Variants in CS observed in about 807,000 individuals in gnomAD.
CS encodes citrate synthase.
In CS, 13 loss-of-function variants were observed where a neutral mutation model predicts 61.4. The observed-to-expected ratio is 0.21, with a 90% CI of 0.14 to 0.34. CS has a LOEUF of 0.34. CS is among the 10% of genes least tolerant of loss of function. The pLI is 1.00. For synonymous variants in CS, 159 were observed against 215.2 expected (o/e 0.74, Z 2.29); for missense variants, 278 against 573.4 (o/e 0.48, Z 5.26).
intron 2 of CS, chr12:56,286,273 T>C (rs1324401417): frequency 2.5e-5 from 14 of 558,468 alleles, no homozygotes; most frequent in Non-Finnish European, 4.1e-5. Flanking sequence ...TGCACAATAA[T>C]GTAAACATAT....
At chr12:56,274,680 T>C (rs1872587767) in intron 9 of CS, 97 bp downstream of exon 9, 2 of 968,096 alleles carry the variant, frequency 2.1e-6, no homozygotes, top group East Asian at 5.3e-5. Flanking sequence ...AAAAAAAATC[T>C]CTAATTTAGG....
At chr12:56,273,939 T>C (rs1193669154) in intron 9 of CS, 143 bp from the exon 10 acceptor site, 30 of 675,268 alleles carry the variant, frequency 4.4e-5, no homozygotes, top group Non-Finnish European at 7.3e-5. Context: ...GCTCAGGCAA[T>C]TCTCCCACTT....
chr12:56,285,783 G>A, intron 3 of CS, 133 bp downstream of exon 3: 2 of 747,206 alleles, frequency 2.7e-6, no homozygotes, highest in Admixed American at 2.1e-5. Flanking sequence ...GAAGGATGGG[G>A]AAAAGTCATC....
intron 6 of CS, among the ~76,000 whole-genome samples, chr12:56,278,215 C>T (rs1464536798): frequency 1.3e-5 from 2 of 152,182 alleles, no homozygotes; most frequent in African/African-American, 4.8e-5. Context: ...ACTGCAACCT[C>T]CGCCTCCGGG....
chr12:56,276,342 G>C, intron 6 of CS, 147 bp from the exon 7 acceptor site: 1 of 677,890 alleles, frequency 1.5e-6, no homozygotes, highest in Non-Finnish European at 2.5e-6. Flanking sequence ...GAGTATGTTT[G>C]AAAGTAGAGA....
rs529056420 is a variant in CS at position 56,282,621 on chromosome 12, A to C, written c.400-13T>G. 2 of 1,599,764 alleles carry C rather than the reference A, an allele frequency of 1.3e-6. No homozygotes were observed. Among genetic ancestry groups the C allele is most frequent in the South Asian group, 2.2e-5 (2 of 89,070 alleles). The stretch of plus-strand genomic sequence containing the variant: ...AGAGCCAAGATACCTGTGGAAAAAG[A>C]GACAGTGCTCAGAACACCAGCAAGG... On this transcript the variant is annotated splice_polypyrimidine_tract_variant and intron_variant, in intron 5 of 10. Coordinates refer to ENST00000351328, the MANE Select transcript of CS (RefSeq NM_004077.3).
intron 6 of CS, among the ~76,000 whole-genome samples, chr12:56,281,141 T>C (rs976414456): frequency 1.8e-4 from 28 of 152,238 alleles, no homozygotes; most frequent in African/African-American, 6.5e-4. Flanking sequence ...AATCATTTAA[T>C]GTACCTGCTT....
In CS at chr12:56,296,411, G is replaced by A. The variant is rs772875164; in HGVS notation, c.42+3749C>T. ...GCTGTAGTAATAGCAAGCCATGTTC[G>A]CACCACTGCACTCCAGCCCCACCCC... On this transcript the variant is annotated intron_variant, in intron 1 of 10. Transcript: ENST00000351328. Among the ~76,000 whole-genome samples, 7 of 152,040 alleles carry A rather than the reference G, an allele frequency of 4.6e-5. No homozygotes were observed. The East Asian group carries it at 5.8e-4, about 13-fold the overall frequency.
chr12:56,292,179 C>G (rs555090002), intron 1 of CS, among the ~76,000 whole-genome samples: 1 of 150,654 alleles, frequency 6.6e-6, no homozygotes, highest in Non-Finnish European at 1.5e-5. Flanking sequence ...AGGCAGATCA[C>G]GGGGTCAGGA....
chr12:56,299,387 C>A (rs544503340), intron 1 of CS, among the ~76,000 whole-genome samples: 141 of 152,292 alleles, frequency 9.3e-4, no homozygotes, highest in Admixed American at 1.5e-3. Context: ...TTAAGATCAA[C>A]GGCATAACCT....
chr12:56,287,208 C>T (rs1005192536), intron 1 of CS, among the ~76,000 whole-genome samples: 3 of 152,104 alleles, frequency 2.0e-5, no homozygotes, highest in African/African-American at 4.8e-5. Context: ...TGGCTGGGCG[C>T]GGTGGCTCAT....
intron 1 of CS, among the ~76,000 whole-genome samples, chr12:56,289,371 A>G (rs948481468): frequency 2.4e-4 from 37 of 152,200 alleles, no homozygotes; most frequent in African/African-American, 8.9e-4. Context: ...CCCAGAGACT[A>G]CATCAGCCCA....
intron 1 of CS, chr12:56,291,117 A>T (rs1873110766): frequency 1.9e-6 from 1 of 530,816 alleles, no homozygotes; most frequent in African/African-American, 2.1e-5. Flanking sequence ...AGTTAAGTAA[A>T]CTAAATAAAA....
At chr12:56,299,991 G>A (rs1425604530) in intron 1 of CS, 169 bp downstream of exon 1, 6 of 599,776 alleles carry the variant, frequency 1.0e-5, no homozygotes, top group Non-Finnish European at 1.7e-5. Context: ...GAAGGGAAGC[G>A]CGGCACATGG....
chr12:56,276,127 A>G lies in CS; in HGVS notation c.657T>C (p.Asn219=). Reference sequence around the variant, plus strand: ...CAATACCGCTGCCTTCTCTGTAGAGATTTCGGTAGATCTTTGCTGCAACAC... The same window carrying G: ...CAATACCGCTGCCTTCTCTGTAGAGGTTTCGGTAGATCTTTGCTGCAACAC... The part of the protein sequence containing the change: ...LPCVAAKIYR[N]LYREGSGIGA... Residue 219 remains asparagine (N), a synonymous_variant, in exon 7 of 11, where the codon AAT becomes AAC. Transcript: ENST00000351328. 1.2e-6 allele frequency: 2 copies of G among 1,614,086 alleles called. No homozygotes were observed. The highest frequency in any genetic ancestry group is 1.7e-6 in the Non-Finnish European group (2 of 1,180,026).
chr12:56,291,182 A>G (rs1259816799), intron 1 of CS: 1 of 1,062,840 alleles, frequency 9.4e-7, no homozygotes, highest in African/African-American at 1.7e-5. Flanking sequence ...AATTCAGTAA[A>G]TATTTGTTTC....
Position 56,272,214 on chromosome 12 carries a change from T to G in CS, c.*870A>C. 1 of 222,974 alleles carries G rather than the reference T, an allele frequency of 4.5e-6. No individual in the cohort carries two copies. The highest frequency in any genetic ancestry group is 5.3e-5 in the South Asian group (1 of 18,992). 13.8% of individuals were successfully genotyped at this position (222,974 alleles called of 1,614,324 possible). On this transcript the variant is annotated 3_prime_UTR_variant, in exon 11 of 11. Coordinates refer to ENST00000351328, the MANE Select transcript of CS (RefSeq NM_004077.3). ...CTATGCCCCACAGCATATTAAAAGA[T>G]GGGGGTTGGTGGGGGGTGGGGAGGT... is the stretch of plus-strand genomic sequence containing the variant.
At position 56,273,717 on chromosome 12, in the gene CS, T is replaced by C. The variant is rs772994645; in HGVS notation, c.1100A>G (p.His367Arg). The change falls in exon 10 of 11, where the codon CAC becomes CGC. Residue 367 changes from histidine to arginine, a missense_variant. By Grantham distance (29) the His-to-Arg change is conservative. Coordinates refer to ENST00000351328, the MANE Select transcript of CS (RefSeq NM_004077.3). ...CTTAAACATGGGGTCATTAGGCAGGTGTTTCAGAGCAAACTCTCGCTGACA... is the reference window on the plus strand; with the variant it reads ...CTTAAACATGGGGTCATTAGGCAGGCGTTTCAGAGCAAACTCTCGCTGACA... ...YTCQREFALK[H>R]LPNDPMFKLV... 1.9e-6 allele frequency: 3 copies of C among 1,614,064 alleles called. No homozygotes were observed. In the African/African-American group the frequency reaches 4.0e-5, roughly 22 times the overall value.
At chr12:56,280,173 T>C (rs1168760279) in intron 6 of CS, among the ~76,000 whole-genome samples, 2 of 151,844 alleles carry the variant, frequency 1.3e-5, no homozygotes, top group Non-Finnish European at 2.9e-5. Context: ...CCCAGCACTT[T>C]GGGAGGCCGA....
Sources: gnomAD v4.1 joint callset for allele counts (sites outside exome capture counted in the v4.1 genomes callset) on GRCh38, gnomAD v4.1.1 for gene constraint, MANE v1.5 for transcripts, NCBI Gene and HGNC (gene_info 2026-07-23, HGNC 2026-07-21) for gene names.